AGAP1: variants seen among roughly 807,000 people sequenced by gnomAD.
AGAP1 encodes the protein arf-GAP with GTPase, ANK repeat and PH domain-containing protein 1.
AGAP1 carries 29 observed loss-of-function variants against 105.3 expected under a neutral mutation model. That is an observed-to-expected ratio of 0.28 (90% CI 0.21 to 0.38). The LOEUF is 0.38. Among genes scored for constraint, AGAP1 ranks in the 10% least tolerant of loss-of-function variants. The pLI is 1.00. For synonymous variants in AGAP1, 509 were observed against 485.9 expected (o/e 1.05, Z -0.63); for missense variants, 998 against 1,165.1 (o/e 0.86, Z 2.09).
rs367648756 is a variant in AGAP1 at position 235,592,049 on chromosome 2, C to T, written c.163+97200C>T. Among the ~76,000 whole-genome samples the T allele has an allele frequency of 1.4e-4, 21 of 152,330 alleles. No individual in the cohort carries two copies. In the East Asian group the frequency reaches 3.9e-3, roughly 28 times the overall value. On this transcript the variant is annotated intron_variant, in intron 1 of 17. Coordinates refer to ENST00000304032, the MANE Select transcript of AGAP1 (RefSeq NM_001037131.3). ...TATAAATTACCCAGCCTCAGGCATT[C>T]CTTTATAGCAACGCAAGAACAGACT...
At chr2:235,811,691 GA>G (rs1958148255) in intron 9 of AGAP1, among the ~76,000 whole-genome samples, 2 of 152,216 alleles carry the variant, frequency 1.3e-5, no homozygotes, top group Admixed American at 1.3e-4. Flanking sequence ...AGGCCATGGG[GA>G]CGACCGCTCC....
At chr2:235,899,110 A>T (rs986533441) in intron 10 of AGAP1, among the ~76,000 whole-genome samples, 3 of 152,144 alleles carry the variant, frequency 2.0e-5, no homozygotes, top group Non-Finnish European at 4.4e-5. Context: ...CAAGGGGAAA[A>T]ACTGAAGTGG....
At chr2:235,903,205 G>T (rs895504344) in intron 10 of AGAP1, among the ~76,000 whole-genome samples, 2 of 152,086 alleles carry the variant, frequency 1.3e-5, no homozygotes, top group Non-Finnish European at 2.9e-5. Flanking sequence ...TGGAGAAAAC[G>T]AATTGGAACA....
chr2:236,065,848 G>A (rs1338058694), intron 16 of AGAP1, among the ~76,000 whole-genome samples: 1 of 152,220 alleles, frequency 6.6e-6, no homozygotes, highest in Admixed American at 6.5e-5. Context: ...CCTTCCTTCT[G>A]TCCAGCAGCT....
chr2:236,019,721 G>T (rs1270076991), intron 13 of AGAP1, among the ~76,000 whole-genome samples: 1 of 152,244 alleles, frequency 6.6e-6, no homozygotes, highest in Admixed American at 6.5e-5. Flanking sequence ...ACCAGTACCA[G>T]TGGAGGGGAC....
At chr2:235,573,810 A>G (rs757275879) in intron 1 of AGAP1, among the ~76,000 whole-genome samples, 8 of 152,210 alleles carry the variant, frequency 5.3e-5, no homozygotes, top group Non-Finnish European at 1.2e-4. Flanking sequence ...CTGTTACCAC[A>G]TGGAATGTGC....
At position 235,582,543 on chromosome 2, in the gene AGAP1, G is replaced by A. The variant is rs1240306164; in HGVS notation, c.163+87694G>A. On this transcript the variant is annotated intron_variant, in intron 1 of 17. Coordinates refer to ENST00000304032, the MANE Select transcript of AGAP1 (RefSeq NM_001037131.3). This position sits in a 1 kb window ranked among gnomAD's most constrained non-coding sequence, Gnocchi z 4.7. ...GTGTAATTATGTGTTGAGGTTTGGT[G>A]CCTTGAGATTAAAGGGATGCCACAT... is the stretch of plus-strand genomic sequence containing the variant. Among the ~76,000 whole-genome samples the A allele has an allele frequency of 6.6e-6, 1 of 152,192 alleles. No homozygotes were observed. The highest frequency in any genetic ancestry group is 1.5e-5 in the Non-Finnish European group (1 of 68,040).
intron 9 of AGAP1, among the ~76,000 whole-genome samples, chr2:235,859,856 C>A (rs1285295328): frequency 6.6e-6 from 1 of 152,182 alleles, no homozygotes; most frequent in African/African-American, 2.4e-5. Flanking sequence ...CAGCAAGAGG[C>A]AACAAACAGC....
chr2:235,682,196 G>GT lies in AGAP1; in HGVS notation c.164-26975dup, dbSNP rs908920714. 8.4e-4 allele frequency among the ~76,000 whole-genome samples: 127 copies of GT among 151,720 alleles called. 1 individual carries two copies. Among genetic ancestry groups the GT allele is most frequent in the South Asian group, 4.2e-4 (2 of 4,786 alleles). ...TGTGTTATGAAACCGTATCAGCACT[G>GT]TTTTTTTTGTTTGTTTTAATATAGA... On this transcript the variant is annotated intron_variant, in intron 1 of 17. Transcript: ENST00000304032.
In AGAP1 at chr2:236,121,293, C is replaced by A. The variant is rs2059890291; in HGVS notation, c.2370+846C>A. Among the ~76,000 whole-genome samples, 1 of 152,138 alleles carries A rather than the reference C, an allele frequency of 6.6e-6. No individual in the cohort carries two copies. The highest frequency in any genetic ancestry group is 2.1e-4 in the South Asian group (1 of 4,822). ...CAGCAGGTTTCTGCATGTTTTTGAT[C>A]TGACTTTTTTGTTTTTTGTTTTTTT... is the stretch of plus-strand genomic sequence containing the variant. On this transcript the variant is annotated intron_variant, in intron 17 of 17. Transcript: ENST00000304032. This position sits in a 1 kb window ranked among gnomAD's most constrained non-coding sequence, Gnocchi z 4.9.
At chr2:235,735,783 G>A (rs574970096) in intron 3 of AGAP1, among the ~76,000 whole-genome samples, 9 of 152,166 alleles carry the variant, frequency 5.9e-5, no homozygotes, top group African/African-American at 1.7e-4. Context: ...GGCACCCAGC[G>A]CAGTTTCCAC....
intron 1 of AGAP1, among the ~76,000 whole-genome samples, chr2:235,519,209 A>G (rs1213908343): frequency 6.6e-6 from 1 of 152,076 alleles, no homozygotes; most frequent in Non-Finnish European, 1.5e-5. Context: ...GGTAGCTAGG[A>G]CTACAGGCGC....
intron 12 of AGAP1, among the ~76,000 whole-genome samples, chr2:235,946,078 C>G (rs978371034): frequency 2.7e-5 from 4 of 149,834 alleles, no homozygotes; most frequent in African/African-American, 1.0e-4. Flanking sequence ...GGCGGAGACA[C>G]AGATCCAAAT....
intron 3 of AGAP1, 40 bp downstream of exon 3, chr2:235,717,684 G>GT (rs766113664): frequency 1.3e-6 from 2 of 1,552,194 alleles, no homozygotes; most frequent in Admixed American, 2.0e-5. Context: ...TAAGAATGTA[G>GT]TTTTTTAAAA....
intron 1 of AGAP1, among the ~76,000 whole-genome samples, chr2:235,708,785 A>G (rs1250946445): frequency 6.6e-6 from 1 of 152,228 alleles, no homozygotes; most frequent in Non-Finnish European, 1.5e-5. Flanking sequence ...CCGACAGGCT[A>G]TAACAGAATC....
In AGAP1 at chr2:235,740,841, A is replaced by G. The variant is rs1952537239; in HGVS notation, c.311-122A>G. The G allele has an allele frequency of 5.5e-6, 6 of 1,086,870 alleles. No homozygotes were observed. The highest frequency in any genetic ancestry group is 3.2e-5 in the South Asian group (2 of 61,644). 67.3% of individuals were successfully genotyped at this position (1,086,870 alleles called of 1,614,324 possible). On this transcript the variant is annotated intron_variant, in intron 3 of 17. Coordinates refer to ENST00000304032, the MANE Select transcript of AGAP1 (RefSeq NM_001037131.3). This position sits in a 1 kb window ranked among gnomAD's most constrained non-coding sequence, Gnocchi z 5.7. ...TCAGCATTTGCTGGCAACATCCTAA[A>G]TACTCAGTTGCCTCCAGGGCGACAG... is the stretch of plus-strand genomic sequence containing the variant.
chr2:236,105,843 C>T lies in AGAP1; in HGVS notation c.2115-14349C>T, dbSNP rs2059475809. ...CGATCTCCTGACCTCATGATCCACC[C>T]TCCTCGGCCTCCCAAAGTGCTGGGA... On this transcript the variant is annotated intron_variant, in intron 16 of 17. Coordinates refer to ENST00000304032, the MANE Select transcript of AGAP1 (RefSeq NM_001037131.3). This position sits in a 1 kb window ranked among gnomAD's most constrained non-coding sequence, Gnocchi z 4.2. Among the ~76,000 whole-genome samples, 3 of 152,262 alleles carry T rather than the reference C, an allele frequency of 2.0e-5. No homozygotes were observed. Among genetic ancestry groups the T allele is most frequent in the Admixed American group, 6.5e-5 (1 of 15,296 alleles).
rs1413770251 is a variant in AGAP1 at position 235,553,078 on chromosome 2, A to G, written c.163+58229A>G. Among the ~76,000 whole-genome samples the G allele has an allele frequency of 6.6e-6, 1 of 152,236 alleles. No individual in the cohort carries two copies. The highest frequency in any genetic ancestry group is 1.5e-5 in the Non-Finnish European group (1 of 68,046). ...CTGCTTTATTTCATCTGCAAGTAGC[A>G]TTAATACTATAACTGAATATACAGT... On this transcript the variant is annotated intron_variant, in intron 1 of 17. Coordinates refer to ENST00000304032, the MANE Select transcript of AGAP1 (RefSeq NM_001037131.3). The surrounding 1 kb of genome is among the most constrained non-coding windows in gnomAD (Gnocchi z 4.5).
chr2:235,831,246 T>A (rs1477153918), intron 9 of AGAP1, among the ~76,000 whole-genome samples: 3 of 149,458 alleles, frequency 2.0e-5, no homozygotes, highest in African/African-American at 7.6e-5. Flanking sequence ...CACGGCAAAG[T>A]TGAGCAGAAG....
Sources: allele counts gnomAD v4.1 joint callset (sites outside exome capture counted in the v4.1 genomes callset), GRCh38; gene constraint gnomAD v4.1.1; non-coding constraint Gnocchi (gnomAD v3.1); transcripts MANE v1.5; gene names NCBI Gene and HGNC (gene_info 2026-07-23, HGNC 2026-07-21).